The following TNS2 variants were observed in gnomAD, a reference collection of about 807,000 sequenced individuals.
The protein encoded by TNS2 is tensin-2.
A neutral mutation model predicts 155.7 loss-of-function variants in TNS2; 77 were observed. The ratio of observed to expected loss-of-function variants is 0.49; its 90% CI spans 0.41 to 0.60. TNS2 has a LOEUF of 0.60. TNS2 is among the 20% of genes least tolerant of loss of function. The pLI, the probability that TNS2 is intolerant of heterozygous loss-of-function variation, is 0.00. For synonymous variants in TNS2, 726 were observed against 763.9 expected, an observed-to-expected ratio of 0.95 and a Z score of 0.82; for missense variants, 1,703 against 1,868.8, an observed-to-expected ratio of 0.91 and a Z score of 1.64.
Position 53,059,146 on chromosome 12 carries a change from C to T in TNS2, c.1505C>T (p.Pro502Leu). 1 of 1,596,678 alleles carries T rather than the reference C, an allele frequency of 6.3e-7. No individual in the cohort carries two copies. Among genetic ancestry groups the T allele is most frequent in the Non-Finnish European group, 8.5e-7 (1 of 1,175,124 alleles). ...QTPPAPSPEPPPPPMLSVSSD... is the reference protein window; with the variant it reads ...QTPPAPSPEPLPPPMLSVSSD... Reference sequence around the variant, plus strand: ...CCCCCGGCACCCTCTCCAGAGCCTCCACCACCCCCCATGCTCTCTGTCAGC... The same window carrying T: ...CCCCCGGCACCCTCTCCAGAGCCTCTACCACCCCCCATGCTCTCTGTCAGC... Residue 502 changes from proline to leucine, a missense_variant, in exon 18 of 29, where the codon CCA (proline) becomes CTA (leucine). Transcript: ENST00000314250. This position sits in a 1 kb window ranked among gnomAD's most constrained non-coding sequence, Gnocchi z 4.7.
chr12:53,048,678 C>T (rs1592237630), upstream of TNS2, among the ~76,000 whole-genome samples: 1 of 152,172 alleles, frequency 6.6e-6, no homozygotes, highest in Admixed American at 6.5e-5. Context: ...ATCCTGGGGA[C>T]ACATTTCTTG....
chr12:53,049,055 TC>T, upstream of TNS2: 1 of 929,754 alleles, frequency 1.1e-6, no homozygotes, highest in Non-Finnish European at 1.6e-6. Flanking sequence ...GGAAGATTAC[TC>T]CCCCTTTTTC....
At position 53,054,340 on chromosome 12, in the gene TNS2, T is replaced by C. The variant is rs1211810026; in HGVS notation, c.421T>C (p.Leu141=). 1 of 1,613,096 alleles carries C rather than the reference T, an allele frequency of 6.2e-7. No homozygotes were observed. Among genetic ancestry groups the C allele is most frequent in the Non-Finnish European group, 8.5e-7 (1 of 1,179,862 alleles). Residue 141 remains leucine (L), a synonymous_variant, in exon 7 of 29, where the codon TTG becomes CTG. Transcript: ENST00000314250. ...CCTCACCTACGTGACGGAGCGCATC[T>C]TGGCCGCCGCCTTCCCCGCGCGGCC... ...LDLTYVTERI[L]AAAFPARPDE...
In TNS2 at chr12:53,063,217, G is replaced by T. The variant is rs1430234314; in HGVS notation, c.3952G>T (p.Val1318Leu). 3 of 1,612,948 alleles carry T rather than the reference G, an allele frequency of 1.9e-6. No homozygotes were observed. The highest frequency in any genetic ancestry group is 1.7e-6 in the Non-Finnish European group (2 of 1,179,620). The change falls in exon 26 of 29, where the codon GTG becomes TTG. Residue 1318 changes from valine to leucine, a missense_variant. Transcript: ENST00000314250. This position sits in a 1 kb window ranked among gnomAD's most constrained non-coding sequence, Gnocchi z 5.6. ...RPTPAVVHFKVSAQGITLTDN... is the reference protein window; with the variant it reads ...RPTPAVVHFKLSAQGITLTDN... Reference sequence around the variant, plus strand: ...GACACCAGCTGTTGTCCACTTCAAGGTGTCAGCCCAGGGCATTACACTGAC... The same window carrying T: ...GACACCAGCTGTTGTCCACTTCAAGTTGTCAGCCCAGGGCATTACACTGAC...
Position 53,063,220 on chromosome 12 carries a change from T to C in TNS2, c.3955T>C (p.Ser1319Pro), listed in dbSNP as rs1186497010. 1 of 1,612,916 alleles carries C rather than the reference T, an allele frequency of 6.2e-7. No homozygotes were observed. The highest frequency in any genetic ancestry group is 1.7e-5 in the Admixed American group (1 of 59,944). ...PTPAVVHFKV[S>P]AQGITLTDNQ... ...ACCAGCTGTTGTCCACTTCAAGGTG[T>C]CAGCCCAGGGCATTACACTGACGGA... Residue 1319 changes from serine (S) to proline (P), a missense_variant, in exon 26 of 29, where the codon TCA (serine) becomes CCA (proline). Physicochemically the swap from Ser to Pro is moderately conservative, Grantham distance 74. Coordinates refer to ENST00000314250, the MANE Select transcript of TNS2 (RefSeq NM_170754.4). The surrounding 1 kb of genome is among the most constrained non-coding windows in gnomAD (Gnocchi z 5.6).
chr12:53,057,614 A>G lies in TNS2; in HGVS notation c.893A>G (p.Asn298Ser). ...SGLLSGSIRM[N>S]SSPLFLHYVL... ...CTGCTATCTGGCTCCATCAGAATGA[A>G]CAGCAGCCCTCTCTTCCTGCACTAT... Residue 298 changes from asparagine (N) to serine (S), a missense_variant, in exon 12 of 29, where the codon AAC (asparagine) becomes AGC (serine). Physicochemically the swap from Asn to Ser is conservative, Grantham distance 46 (BLOSUM62 1). Transcript: ENST00000314250. The G allele has an allele frequency of 6.2e-7, 1 of 1,613,998 alleles. No homozygotes were observed. Among genetic ancestry groups the G allele is most frequent in the East Asian group, 2.2e-5 (1 of 44,886 alleles).
intron 3 of TNS2, among the ~76,000 whole-genome samples, chr12:53,052,751 G>T (rs569905630): frequency 6.7e-6 from 1 of 148,916 alleles, no homozygotes; most frequent in Non-Finnish European, 1.5e-5. Flanking sequence ...TGCAGCTGGC[G>T]AGAGGATGGG....
In TNS2 at chr12:53,053,862, G is replaced by C. The variant is rs759534112; in HGVS notation, c.300+50G>C. 13 of 1,613,766 alleles carry C rather than the reference G, an allele frequency of 8.1e-6. No homozygotes were observed. The Middle Eastern group carries it at 4.9e-4, about 61-fold the overall frequency. ...GGGAAGCAGGTAGCTTTGGGAGTAA[G>C]GATCTAGATTTCCTGAAGACAAAAA... On this transcript the variant is annotated intron_variant, in intron 5 of 28. Transcript: ENST00000314250.
Position 53,058,363 on chromosome 12 carries a change from G to C in TNS2, c.1143G>C (p.Val381=), listed in dbSNP as rs1944237648. 1 of 1,614,194 alleles carries C rather than the reference G, an allele frequency of 6.2e-7. No individual in the cohort carries two copies. Among genetic ancestry groups the C allele is most frequent in the South Asian group, 1.1e-5 (1 of 91,088 alleles). The change falls in exon 15 of 29, where the codon GTG becomes GTC. Residue 381 remains valine, a synonymous_variant. Coordinates refer to ENST00000314250, the MANE Select transcript of TNS2 (RefSeq NM_170754.4). ...GCCGGGGCACAGACCGGACCCTCGT[G>C]TTCCGAGTCCAGTTCCACACCTGCA... ...KGGRGTDRTL[V]FRVQFHTCTI... is the part of the protein sequence containing the mutation.
upstream of TNS2, chr12:53,048,906 T>G (rs1383330452): frequency 2.5e-6 from 1 of 393,614 alleles, no homozygotes; most frequent in African/African-American, 2.1e-5. Flanking sequence ...GCCTGAGTAC[T>G]GGGACATTCA....
intron 21 of TNS2, 116 bp downstream of exon 21, chr12:53,061,585 C>G: frequency 7.3e-7 from 1 of 1,366,088 alleles, no homozygotes; most frequent in Non-Finnish European, 1.0e-6. Context: ...TGTGTTTACT[C>G]TTGGCTGAGT....
chr12:53,057,977 T>G, intron 13 of TNS2, 50 bp from the exon 14 acceptor site: 1 of 1,612,742 alleles, frequency 6.2e-7, no homozygotes, highest in African/African-American at 1.3e-5. Context: ...TAGCTGCCTC[T>G]GCACGCAGGA....
Position 53,060,320 on chromosome 12 carries a change from G to C in TNS2, c.2617+62G>C. On this transcript the variant is annotated intron_variant, in intron 18 of 28. Transcript: ENST00000314250. This position sits in a 1 kb window ranked among gnomAD's most constrained non-coding sequence, Gnocchi z 6.1. ...GGAGGTTCTGGAAGATGGTGGGGAAGTCAAGGGGGAACAGGGTGAGAAACA... is the reference window on the plus strand; with the variant it reads ...GGAGGTTCTGGAAGATGGTGGGGAACTCAAGGGGGAACAGGGTGAGAAACA... 3 of 1,559,824 alleles carry C rather than the reference G, an allele frequency of 1.9e-6. No individual in the cohort carries two copies. Among genetic ancestry groups the C allele is most frequent in the Non-Finnish European group, 2.6e-6 (3 of 1,150,930 alleles).
Position 53,060,126 on chromosome 12 carries a change from G to A in TNS2, c.2485G>A (p.Gly829Ser). 2 of 1,610,944 alleles carry A rather than the reference G, an allele frequency of 1.2e-6. No individual in the cohort carries two copies. The highest frequency in any genetic ancestry group is 1.3e-5 in the African/African-American group (1 of 75,004). ...CCCTGGTGCCCACTCCCCACGGGCTGGCTCCATTTCCCCGGGCAGCCCGCC... is the reference window on the plus strand; with the variant it reads ...CCCTGGTGCCCACTCCCCACGGGCTAGCTCCATTTCCCCGGGCAGCCCGCC... Reference protein sequence around the residue: ...PSPGAHSPRAGSISPGSPPYP... With the variant: ...PSPGAHSPRASSISPGSPPYP... The change falls in exon 18 of 29, where the codon GGC becomes AGC. Residue 829 changes from glycine (G) to serine (S), a missense_variant. Coordinates refer to ENST00000314250, the MANE Select transcript of TNS2 (RefSeq NM_170754.4). This position sits in a 1 kb window ranked among gnomAD's most constrained non-coding sequence, Gnocchi z 6.1.
upstream of TNS2, chr12:53,049,274 GC>G (rs1565599667): frequency 6.3e-7 from 1 of 1,590,988 alleles, no homozygotes; most frequent in Non-Finnish European, 8.6e-7. Flanking sequence ...CGGGGTTGCC[GC>G]GGGGGGAGGG....
chr12:53,056,622 C>G (rs1201605478), intron 10 of TNS2, among the ~76,000 whole-genome samples: 1 of 152,176 alleles, frequency 6.6e-6, no homozygotes, highest in East Asian at 1.9e-4. Context: ...GTCTCTTCCT[C>G]TCTTCTTATA....
At chr12:53,053,654 C>A in intron 4 of TNS2, 120 bp from the exon 5 acceptor site, 1 of 1,486,852 alleles carries the variant, frequency 6.7e-7, no homozygotes, top group Admixed American at 2.1e-5. Context: ...CTCCTCTCCC[C>A]TTATCCAGTA....
At chr12:53,056,363 A>C (rs1418170597) in intron 10 of TNS2, 1 of 153,238 alleles carries the variant, frequency 6.5e-6, no homozygotes, top group African/African-American at 2.4e-5. Flanking sequence ...CCGTCTCAAA[A>C]AAAACAAAAA....
Position 53,057,868 on chromosome 12 carries a change from T to C in TNS2, c.1019+35T>C, listed in dbSNP as rs967419965. ...CTATTCCCAGGCCCCTGACACTTCA[T>C]GACCAGGGCCCCTCTTGCTCCTGCA... On this transcript the variant is annotated intron_variant, in intron 13 of 28. Transcript: ENST00000314250. The C allele has an allele frequency of 1.9e-6, 3 of 1,613,382 alleles. No homozygotes were observed. In the African/African-American group the frequency reaches 4.0e-5, roughly 22 times the overall value.
Sources: gnomAD v4.1 joint callset for allele counts (sites outside exome capture counted in the v4.1 genomes callset) on GRCh38, gnomAD v4.1.1 for gene constraint, Gnocchi (gnomAD v3.1) non-coding constraint, MANE v1.5 for transcripts, NCBI Gene and HGNC (gene_info 2026-07-23, HGNC 2026-07-21) for gene names.